PLOD1: variants seen among roughly 807,000 people sequenced by gnomAD.
PLOD1 encodes procollagen-lysine,2-oxoglutarate 5-dioxygenase 1, also known as lysine hydroxylase.
A neutral mutation model predicts 94.7 loss-of-function variants in PLOD1; 70 were observed. The observed-to-expected ratio is 0.74, with a 90% CI of 0.61 to 0.90. PLOD1 has a LOEUF of 0.90. Ranked by LOEUF, PLOD1 falls within the 40% of genes least tolerant of loss-of-function variation. PLOD1 has a pLI of 0.00. For synonymous variants in PLOD1, 417 were observed against 400.2 expected (o/e 1.04, Z -0.50); for missense variants, 905 against 972.7 (o/e 0.93, Z 0.93).
intron 18 of PLOD1, among the ~76,000 whole-genome samples, chr1:11,973,399 C>T (rs968196027): frequency 2.6e-5 from 4 of 151,920 alleles, no homozygotes; most frequent in African/African-American, 9.7e-5. Flanking sequence ...ACCCAGAAGG[C>T]TGAGGCATGA....
intron 16 of PLOD1, among the ~76,000 whole-genome samples, chr1:11,969,064 C>A (rs1645842914): frequency 6.8e-6 from 1 of 147,014 alleles, no homozygotes. Context: ...TTGCTCGTCA[C>A]CCAGGTGGAG....
chr1:11,962,027 G>A (rs1175770540), intron 10 of PLOD1, among the ~76,000 whole-genome samples: 1 of 152,144 alleles, frequency 6.6e-6, no homozygotes, highest in East Asian at 1.9e-4. Context: ...GAACTCAAGT[G>A]ATCCGCCCGC....
intron 16 of PLOD1, among the ~76,000 whole-genome samples, chr1:11,968,247 T>C (rs1645835604): frequency 1.3e-5 from 2 of 151,724 alleles, no homozygotes; most frequent in South Asian, 2.1e-4. Flanking sequence ...AGCCACCGTG[T>C]CTGGCCTAAG....
chr1:11,965,665 C>A, intron 14 of PLOD1, 72 bp downstream of exon 14: 1 of 918,364 alleles, frequency 1.1e-6, no homozygotes, highest in Non-Finnish European at 1.8e-6. Flanking sequence ...AGGGACTTCC[C>A]TCTCAGAGTC....
At position 11,964,109 on chromosome 1, in the gene PLOD1, CT is replaced by C. The variant is rs1174784698; in HGVS notation, c.1203-65del. On this transcript the variant is annotated intron_variant, in intron 11 of 18. Coordinates refer to ENST00000196061, the MANE Select transcript of PLOD1 (RefSeq NM_000302.4). The stretch of plus-strand genomic sequence containing the variant: ...GAGGGGCACCTACCTCCCCCCATCC[CT>C]GGTTAGTGCTGTCTCCTACTCCCAG... 3 of 1,536,584 alleles carry C rather than the reference CT, an allele frequency of 2.0e-6. No individual in the cohort carries two copies. In the African/African-American group the frequency reaches 4.1e-5, roughly 21 times the overall value.
intron 16 of PLOD1, among the ~76,000 whole-genome samples, chr1:11,969,105 C>T (rs998274942): frequency 6.7e-6 from 1 of 149,714 alleles, no homozygotes; most frequent in African/African-American, 2.5e-5. Context: ...TCACTGCAAC[C>T]TCCGCCTGAG....
chr1:11,970,193 G>A (rs1004358185), intron 16 of PLOD1, among the ~76,000 whole-genome samples: 3 of 152,196 alleles, frequency 2.0e-5, no homozygotes, highest in Admixed American at 6.5e-5. Context: ...GGAGGTTGCA[G>A]TGAGCTGAAA....
At chr1:11,955,038 A>G (rs998811584) in intron 6 of PLOD1, 145 bp downstream of exon 6, 6 of 663,414 alleles carry the variant, frequency 9.0e-6, no homozygotes, top group Non-Finnish European at 1.6e-5. Context: ...CCAGGTCCCC[A>G]GGGGCCACTT....
In PLOD1 at chr1:11,940,420, C is replaced by T. The variant is rs116561575; in HGVS notation, c.76+5565C>T. 6.3e-3 allele frequency among the ~76,000 whole-genome samples: 955 copies of T among 152,274 alleles called. 14 individuals carry two copies. Among genetic ancestry groups the T allele is most frequent in the African/African-American group, 0.021 (867 of 41,558 alleles). On this transcript the variant is annotated intron_variant, in intron 1 of 18. Coordinates refer to ENST00000196061, the MANE Select transcript of PLOD1 (RefSeq NM_000302.4). ...CTCCCCTTTAGGGGAGGCACCCTGTCGCCAGAACCCCCCCGCAGCTACCAA... is the reference window on the plus strand; with the variant it reads ...CTCCCCTTTAGGGGAGGCACCCTGTTGCCAGAACCCCCCCGCAGCTACCAA...
chr1:11,954,752 C>A lies in PLOD1; in HGVS notation c.580-78C>A, dbSNP rs1014142165. ...TGAGGGCTGAACTTGGGGACAGATT[C>A]CCCACACTGGGTGAGATGTAGCCCC... On this transcript the variant is annotated intron_variant, in intron 5 of 18. Transcript: ENST00000196061. The A allele has an allele frequency of 6.5e-6, 7 of 1,081,868 alleles. No individual in the cohort carries two copies. The Admixed American group carries it at 1.0e-4, about 16-fold the overall frequency. 67.0% of individuals were successfully genotyped at this position (1,081,868 alleles called of 1,614,324 possible). A position where few individuals can be genotyped will look rare whatever the true frequency, so the allele number is the denominator to read the frequency against.
At position 11,972,482 on chromosome 1, in the gene PLOD1, AC is replaced by A. The variant is rs1358411694; in HGVS notation, c.1903-388del. The A allele has an allele frequency of 1.3e-5, 3 of 236,104 alleles. No homozygotes were observed. The highest frequency in any genetic ancestry group is 2.6e-5 in the Non-Finnish European group (3 of 116,604). 14.6% of individuals were successfully genotyped at this position (236,104 alleles called of 1,614,324 possible). On this transcript the variant is annotated intron_variant, in intron 17 of 18. Coordinates refer to ENST00000196061, the MANE Select transcript of PLOD1 (RefSeq NM_000302.4). This position sits in a 1 kb window ranked among gnomAD's most constrained non-coding sequence, Gnocchi z 4.6. Reference sequence around the variant, plus strand: ...TGGCCAGGCTGGTCTCAAACTCCTGACCTCAGGTGATCCGCCCACCTTGGCC... The same window carrying A: ...TGGCCAGGCTGGTCTCAAACTCCTGACTCAGGTGATCCGCCCACCTTGGCC...
rs144007935 is a variant in PLOD1 at position 11,965,489 on chromosome 1, A to G, written c.1480A>G (p.Met494Val). 12 of 1,610,586 alleles carry G rather than the reference A, an allele frequency of 7.5e-6. No individual in the cohort carries two copies. Among genetic ancestry groups the G allele is most frequent in the Non-Finnish European group, 1.0e-5 (12 of 1,177,262 alleles). The change falls in exon 14 of 19, where the codon ATG (methionine) becomes GTG (valine). Residue 494 changes from methionine to valine, a missense_variant. Physicochemically the swap from Met to Val is conservative, Grantham distance 21. Coordinates refer to ENST00000196061, the MANE Select transcript of PLOD1 (RefSeq NM_000302.4). The part of the protein sequence containing the change: ...CANIRQQDVF[M>V]FLTNRHTLGH... Reference sequence around the variant, plus strand: ...GGCCTGTCCTCCCCAGGATGTGTTCATGTTCCTGACCAACCGGCACACCCT... The same window carrying G: ...GGCCTGTCCTCCCCAGGATGTGTTCGTGTTCCTGACCAACCGGCACACCCT...
chr1:11,937,331 G>A (rs1328786377), intron 1 of PLOD1, among the ~76,000 whole-genome samples: 3 of 152,196 alleles, frequency 2.0e-5, no homozygotes, highest in Non-Finnish European at 2.9e-5. Context: ...GTTGGGGAGA[G>A]TTCAGCTCAA....
At position 11,949,702 on chromosome 1, in the gene PLOD1, G is replaced by T. The variant is rs1173613694; in HGVS notation, c.169-71G>T. On this transcript the variant is annotated intron_variant, in intron 2 of 18. Transcript: ENST00000196061. ...CCCAAAGTGCTGGGATTACCAGCAT[G>T]AGCCACCACGGCCAGCCCTGGAAAA... 5 of 1,527,324 alleles carry T rather than the reference G, an allele frequency of 3.3e-6. No individual in the cohort carries two copies. The East Asian group carries it at 1.1e-4, about 35-fold the overall frequency. The allele number at this position is 1,527,324 out of a possible 1,614,324, so 94.6% of individuals were successfully genotyped here.
chr1:11,964,882 C>T (rs1364292844), intron 13 of PLOD1, 97 bp downstream of exon 13: 10 of 1,330,126 alleles, frequency 7.5e-6, no homozygotes, highest in Admixed American at 1.7e-5. Flanking sequence ...GCCTTGTCAC[C>T]GTAGGCCTGG....
In PLOD1 at chr1:11,958,273, A is replaced by C. The variant is rs72860421; in HGVS notation, c.844-243A>C. 1.1e-3 allele frequency among the ~76,000 whole-genome samples: 168 copies of C among 152,136 alleles called. No homozygotes were observed. The highest frequency in any genetic ancestry group is 3.9e-3 in the African/African-American group (161 of 41,510). Reference sequence around the variant, plus strand: ...ACCACGCCAGCCACGATCTCCTGACAGCAGGCCCTCAACCGAGTCCTTGTT... The same window carrying C: ...ACCACGCCAGCCACGATCTCCTGACCGCAGGCCCTCAACCGAGTCCTTGTT... On this transcript the variant is annotated intron_variant, in intron 8 of 18. Coordinates refer to ENST00000196061, the MANE Select transcript of PLOD1 (RefSeq NM_000302.4). The surrounding 1 kb of genome is among the most constrained non-coding windows in gnomAD (Gnocchi z 4.3).
chr1:11,962,965 C>T (rs549608517), intron 10 of PLOD1, among the ~76,000 whole-genome samples: 4 of 151,734 alleles, frequency 2.6e-5, no homozygotes, highest in Non-Finnish European at 1.5e-5. Context: ...CGCTTGAACC[C>T]GGGAGGTGGA....
At chr1:11,950,716 C>T (rs1376566990) in intron 4 of PLOD1, among the ~76,000 whole-genome samples, 196 bp downstream of exon 4, 1 of 152,140 alleles carries the variant, frequency 6.6e-6, no homozygotes, top group Non-Finnish European at 1.5e-5. Context: ...GACACGCAGC[C>T]CCATAGACAG....
In PLOD1 at chr1:11,972,681, T is replaced by C; in HGVS notation, c.1903-191T>C. 1 of 461,182 alleles carries C rather than the reference T, an allele frequency of 2.2e-6. No homozygotes were observed. 28.6% of individuals were successfully genotyped at this position (461,182 alleles called of 1,614,324 possible). On this transcript the variant is annotated intron_variant, in intron 17 of 18. Transcript: ENST00000196061. The surrounding 1 kb of genome is among the most constrained non-coding windows in gnomAD (Gnocchi z 4.6). ...TCCCTCCCTCTCTCCCCTCTGTCCA[T>C]ACATTTTTGTTGAGAACCTTTTCTG... is the stretch of plus-strand genomic sequence containing the variant.
Sources: gnomAD v4.1 joint callset for allele counts (sites outside exome capture counted in the v4.1 genomes callset) on GRCh38, gnomAD v4.1.1 for gene constraint, Gnocchi (gnomAD v3.1) non-coding constraint, MANE v1.5 for transcripts, NCBI Gene and HGNC (gene_info 2026-07-23, HGNC 2026-07-21) for gene names.